Variants in CRHR1 observed in about 807,000 individuals in gnomAD.
The protein encoded by CRHR1 is corticotropin-releasing hormone receptor 1.
CRHR1 carries 28 observed loss-of-function variants against 56.0 expected under a neutral mutation model. That is an observed-to-expected ratio of 0.50 (90% CI 0.37 to 0.69). The LOEUF (loss-of-function observed/expected upper bound fraction) is 0.69, where lower values mean the gene tolerates loss of function less well. Ranked by LOEUF, CRHR1 falls within the 30% of genes least tolerant of loss-of-function variation. The probability of loss-of-function intolerance (pLI) is 0.00; values close to 1 mark genes in which losing one functional copy is unlikely to be tolerated. For synonymous variants in CRHR1, 195 were observed against 216.5 expected, an observed-to-expected ratio of 0.90 and a Z score of 0.87; for missense variants, 376 against 548.0, an observed-to-expected ratio of 0.69 and a Z score of 3.13.
At chr17:45,818,158 C>A (rs942446663) in intron 3 of CRHR1, among the ~76,000 whole-genome samples, 3 of 152,202 alleles carry the variant, frequency 2.0e-5, no homozygotes, top group African/African-American at 7.2e-5. Flanking sequence ...CACTCCCCAG[C>A]GCCACCGCCC....
intron 1 of CRHR1, among the ~76,000 whole-genome samples, chr17:45,785,267 A>G (rs1490598276): frequency 1.3e-5 from 2 of 152,206 alleles, no homozygotes; most frequent in Non-Finnish European, 2.9e-5. Flanking sequence ...AGTTTAGGAA[A>G]GTAGCCAGAC....
At position 45,795,680 on chromosome 17, in the gene CRHR1, C is replaced by T. The variant is rs190050437; in HGVS notation, c.33+11103C>T. Among the ~76,000 whole-genome samples the T allele has an allele frequency of 2.1e-4, 32 of 152,280 alleles. No homozygotes were observed. In the East Asian group the frequency reaches 5.6e-3, roughly 27 times the overall value. On this transcript the variant is annotated intron_variant, in intron 1 of 12. Coordinates refer to ENST00000314537, the MANE Select transcript of CRHR1 (RefSeq NM_004382.5). ...AACGCATTTAAAAAACATAAGGGTC[C>T]CTGGGCTCCCCACAGGCCTATTGAA...
At position 45,784,359 on chromosome 17, in the gene CRHR1, AGAGCC is replaced by A; in HGVS notation, c.-184_-180del. On this transcript the variant is annotated 5_prime_UTR_variant, in exon 1 of 13. Transcript: ENST00000314537. The surrounding 1 kb of genome is among the most constrained non-coding windows in gnomAD (Gnocchi z 4.2). ...AGACTTCCCCGGGAAGGGGCGAGCG[AGAGCC>A]GGGCCGGGCCGGGCCGGGCCGCGGG... 2 of 344,664 alleles carry A rather than the reference AGAGCC, an allele frequency of 5.8e-6. No individual in the cohort carries two copies. Among genetic ancestry groups the A allele is most frequent in the Non-Finnish European group, 5.0e-6 (1 of 200,938 alleles). 21.4% of individuals were successfully genotyped at this position (344,664 alleles called of 1,614,324 possible). A position where few individuals can be genotyped will look rare whatever the true frequency, so the allele number is the denominator to read the frequency against.
intron 1 of CRHR1, among the ~76,000 whole-genome samples, chr17:45,791,102 A>G (rs1306826016): frequency 6.6e-6 from 1 of 152,012 alleles, no homozygotes; most frequent in African/African-American, 2.4e-5. Context: ...CCTCTTTGGC[A>G]AGGTGTGTGA....
intron 3 of CRHR1, among the ~76,000 whole-genome samples, chr17:45,821,140 G>T: frequency 6.6e-6 from 1 of 152,238 alleles, no homozygotes; most frequent in East Asian, 1.9e-4. Context: ...AGAGCCGGGG[G>T]AGCCACCAAC....
chr17:45,819,317 C>T (rs899346884), intron 3 of CRHR1, among the ~76,000 whole-genome samples: 1 of 152,214 alleles, frequency 6.6e-6, no homozygotes, highest in Non-Finnish European at 1.5e-5. Context: ...TGACAGGTTT[C>T]GGGATTTGCC....
At chr17:45,798,221 G>A (rs2061555744) in intron 1 of CRHR1, among the ~76,000 whole-genome samples, 1 of 152,138 alleles carries the variant, frequency 6.6e-6, no homozygotes, top group Non-Finnish European at 1.5e-5. Context: ...GCCCCACTGA[G>A]GATACAAAAA....
At chr17:45,813,719 G>T (rs1439246495) in intron 2 of CRHR1, among the ~76,000 whole-genome samples, 1 of 152,242 alleles carries the variant, frequency 6.6e-6, no homozygotes, top group East Asian at 1.9e-4. Context: ...CAGTATCTTT[G>T]GTTACTGATT....
At chr17:45,809,451 C>T (rs1465702405) in intron 2 of CRHR1, among the ~76,000 whole-genome samples, 3 of 152,228 alleles carry the variant, frequency 2.0e-5, no homozygotes, top group African/African-American at 4.8e-5. Flanking sequence ...AGAGACATCC[C>T]TGAGCCCACA....
At chr17:45,817,360 T>C (rs78548823) in intron 3 of CRHR1, among the ~76,000 whole-genome samples, 63 of 152,202 alleles carry the variant, frequency 4.1e-4, no homozygotes, top group Middle Eastern at 6.8e-3. Context: ...ATCCCTGCAA[T>C]TGGGGCCTCC....
intron 1 of CRHR1, among the ~76,000 whole-genome samples, chr17:45,803,343 A>C (rs759630056): frequency 7.9e-5 from 12 of 152,158 alleles, no homozygotes; most frequent in Non-Finnish European, 1.6e-4. Context: ...TGATATTGTC[A>C]AATAGGATGC....
chr17:45,818,870 C>T (rs1212456260), intron 3 of CRHR1, among the ~76,000 whole-genome samples: 2 of 152,194 alleles, frequency 1.3e-5, no homozygotes, highest in Non-Finnish European at 2.9e-5. Context: ...TCTATTTTCC[C>T]GTGATTCTTT....
In CRHR1 at chr17:45,834,029, ACTGTTTC is replaced by A. The variant is rs1158661403; in HGVS notation, c.1091_1097del (p.Cys364SerfsTer67). ...CAGGGCTTCTTTGTGTCTGTGTTCT[ACTGTTTC>A]CTCAATAGTGAGGTGAGGACCCGGG... On this transcript the variant is annotated frameshift_variant, in exon 12 of 13. Transcript: ENST00000314537. LOFTEE classifies it high-confidence loss of function. 1 of 1,613,264 alleles carries A rather than the reference ACTGTTTC, an allele frequency of 6.2e-7. No homozygotes were observed. The highest frequency in any genetic ancestry group is 1.7e-5 in the Admixed American group (1 of 59,990).
Position 45,784,684 on chromosome 17 carries a change from C to T in CRHR1, c.33+107C>T. The T allele has an allele frequency of 8.3e-7, 1 of 1,202,368 alleles. No homozygotes were observed. The highest frequency in any genetic ancestry group is 1.1e-6 in the Non-Finnish European group (1 of 902,992). 74.5% of individuals were successfully genotyped at this position (1,202,368 alleles called of 1,614,324 possible). A position where few individuals can be genotyped will look rare whatever the true frequency, so the allele number is the denominator to read the frequency against. ...ATGGGGGCGGGGGCGCTGGGAGAGC[C>T]GTGCTTAGGTCGGGGAAGGCTGGGC... On this transcript the variant is annotated intron_variant, in intron 1 of 12. Transcript: ENST00000314537. This position sits in a 1 kb window ranked among gnomAD's most constrained non-coding sequence, Gnocchi z 4.2.
chr17:45,829,216 A>C lies in CRHR1; in HGVS notation c.329A>C (p.Lys110Thr). ...CTCTGCCCCTCTCTCCTGCTCCAGAAAAAAAGCAAGGTGCACTACCATGTC... is the reference window on the plus strand; with the variant it reads ...CTCTGCCCCTCTCTCCTGCTCCAGACAAAAAGCAAGGTGCACTACCATGTC... ...SECQEILNEE[K>T]KSKVHYHVAV... The change falls in exon 5 of 13, where the codon AAA becomes ACA. Residue 110 changes from lysine to threonine, a missense_variant and splice_region_variant. Physicochemically the swap from Lys to Thr is moderately conservative, Grantham distance 78. This residue lies in a region of CRHR1 where 369 missense variants were observed against 519.5 expected (regional missense o/e 0.71). Transcript: ENST00000314537. 1 of 1,613,666 alleles carries C rather than the reference A, an allele frequency of 6.2e-7. No individual in the cohort carries two copies.
intron 1 of CRHR1, among the ~76,000 whole-genome samples, chr17:45,801,483 G>A (rs1279443710): frequency 6.6e-6 from 1 of 152,140 alleles, no homozygotes; most frequent in Non-Finnish European, 1.5e-5. Flanking sequence ...TAATTGAGCC[G>A]CACGCACCCT....
In CRHR1 at chr17:45,784,801, C is replaced by G. The variant is rs548157597; in HGVS notation, c.33+224C>G. Among the ~76,000 whole-genome samples the G allele has an allele frequency of 1.3e-5, 2 of 152,244 alleles. No individual in the cohort carries two copies. Among genetic ancestry groups the G allele is most frequent in the African/African-American group, 4.8e-5 (2 of 41,556 alleles). On this transcript the variant is annotated intron_variant, in intron 1 of 12. Coordinates refer to ENST00000314537, the MANE Select transcript of CRHR1 (RefSeq NM_004382.5). This position sits in a 1 kb window ranked among gnomAD's most constrained non-coding sequence, Gnocchi z 4.2. ...AGAAAAGAAATCGTGGCGAAGCCGC[C>G]GGGATGTTGGCGGAGGAGGGGGTCC... is the stretch of plus-strand genomic sequence containing the variant.
chr17:45,825,547 G>A (rs940898970), intron 4 of CRHR1: 1 of 154,638 alleles, frequency 6.5e-6, no homozygotes, highest in Non-Finnish European at 1.5e-5. Context: ...AACGGATTCT[G>A]GGGGTCTGGT....
At chr17:45,803,753 A>AGTGTGTGTGT (rs1401971662) in intron 1 of CRHR1, among the ~76,000 whole-genome samples, 5 of 75,348 alleles carry the variant, frequency 6.6e-5, no homozygotes, top group East Asian at 1.5e-3. Flanking sequence ...TGAGAGAGAG[A>AGTGTGTGTGT]GTGCGTGTGT....
Sources: allele counts gnomAD v4.1 joint callset (sites outside exome capture counted in the v4.1 genomes callset), GRCh38; gene constraint gnomAD v4.1.1; regional missense constraint gnomAD v4.1.1; non-coding constraint Gnocchi (gnomAD v3.1); transcripts MANE v1.5; gene names NCBI Gene and HGNC (gene_info 2026-07-23, HGNC 2026-07-21).